CEACAM5: variants seen among roughly 807,000 people sequenced by gnomAD.
The protein encoded by CEACAM5 is CEA cell adhesion molecule 5.
CEACAM5 carries 52 observed loss-of-function variants against 63.0 expected under a neutral mutation model. That is an observed-to-expected ratio of 0.83 (90% confidence interval 0.66 to 1.04). CEACAM5 has a LOEUF of 1.04. Among genes scored for constraint, CEACAM5 ranks in the 50% least tolerant of loss-of-function variants. The pLI is 0.00. For synonymous variants in CEACAM5, 357 were observed against 351.3 expected, an observed-to-expected ratio of 1.02 and a Z score of -0.18; for missense variants, 790 against 864.8, an observed-to-expected ratio of 0.91 and a Z score of 1.08.
intron 5 of CEACAM5, 146 bp from the exon 6 acceptor site, chr19:41,717,982 C>A: frequency 9.6e-7 from 1 of 1,040,336 alleles, no homozygotes; most frequent in Non-Finnish European, 1.4e-6. Flanking sequence ...ATGTCTCAGA[C>A]TCTGGCTAAT....
intron 4 of CEACAM5, 99 bp from the exon 5 acceptor site, chr19:41,717,356 T>C: frequency 3.0e-6 from 4 of 1,312,444 alleles, no homozygotes; most frequent in South Asian, 1.4e-5. Context: ...AAGGACTCAG[T>C]TGGGCTGAGA....
intron 8 of CEACAM5, 59 bp downstream of exon 8, chr19:41,721,235 A>G: frequency 6.3e-7 from 1 of 1,575,316 alleles, no homozygotes; most frequent in Non-Finnish European, 8.7e-7. Flanking sequence ...TCTGGTTCTC[A>G]CCAAAGAGCC....
intron 2 of CEACAM5, 65 bp from the exon 3 acceptor site, chr19:41,714,906 T>G: frequency 6.2e-7 from 1 of 1,606,930 alleles, no homozygotes; most frequent in Admixed American, 1.7e-5. Context: ...CAACTCTGAT[T>G]GAAAGATGCC....
chr19:41,716,745 A>C (rs1555815106), intron 4 of CEACAM5, among the ~76,000 whole-genome samples: 1 of 152,244 alleles, frequency 6.6e-6, no homozygotes. Flanking sequence ...ACAGATGGTA[A>C]CAGTACATAT....
intron 8 of CEACAM5, 122 bp downstream of exon 8, chr19:41,721,298 A>C: frequency 9.0e-7 from 1 of 1,108,226 alleles, no homozygotes; most frequent in Non-Finnish European, 1.3e-6. Flanking sequence ...GGAAATCCCA[A>C]ATTCTATCCT....
chr19:41,712,841 G>A (rs1231676473), intron 2 of CEACAM5, among the ~76,000 whole-genome samples: 1 of 152,154 alleles, frequency 6.6e-6, no homozygotes, highest in African/African-American at 2.4e-5. Flanking sequence ...TCCCCCAAAT[G>A]TCTTTCACTT....
chr19:41,713,313 A>G (rs2122780708), intron 2 of CEACAM5, among the ~76,000 whole-genome samples: 1 of 152,294 alleles, frequency 6.6e-6, no homozygotes, highest in East Asian at 1.9e-4. Flanking sequence ...CAAAAAAAAG[A>G]AAAAGAAAGA....
intron 7 of CEACAM5, 133 bp from the exon 8 acceptor site, chr19:41,720,789 C>A: frequency 8.3e-7 from 1 of 1,202,748 alleles, no homozygotes; most frequent in Non-Finnish European, 1.2e-6. Context: ...CGTGAGCCAC[C>A]GCACCCGGCC....
intron 9 of CEACAM5, among the ~76,000 whole-genome samples, chr19:41,727,798 T>C (rs1467995165): frequency 1.3e-5 from 2 of 152,220 alleles, no homozygotes; most frequent in African/African-American, 4.8e-5. Context: ...CCTACTGTGG[T>C]GTATTAGATA....
chr19:41,720,442 G>C (rs1555815944), intron 7 of CEACAM5, among the ~76,000 whole-genome samples: 1 of 152,044 alleles, frequency 6.6e-6, no homozygotes. Context: ...CCTATGATGG[G>C]AGAAACAGAT....
chr19:41,720,546 G>A (rs1164731175), intron 7 of CEACAM5, among the ~76,000 whole-genome samples: 9 of 128,938 alleles, frequency 7.0e-5, no homozygotes, highest in East Asian at 2.3e-4. Context: ...TCGCTCTTTC[G>A]CCCAGGCTGG....
Position 41,717,671 on chromosome 19 carries a change from A to G in CEACAM5, c.1175A>G (p.Glu392Gly), listed in dbSNP as rs2072549213. ...SVTRNDVGPY[E>G]CGIQNELSVD... The stretch of plus-strand genomic sequence containing the variant: ...ACAAGGAATGATGTAGGACCCTATG[A>G]GTGTGGAATCCAGAACGAATTAAGT... The change falls in exon 5 of 10, where the codon GAG (glutamate) becomes GGG (glycine). Residue 392 changes from glutamate (E) to glycine (G), a missense_variant. Physicochemically the swap from Glu to Gly is moderately conservative, Grantham distance 98 (BLOSUM62 -2). Coordinates refer to ENST00000221992, the MANE Select transcript of CEACAM5 (RefSeq NM_004363.6). 6.2e-7 allele frequency: 1 copy of G among 1,614,056 alleles called. No individual in the cohort carries two copies. The highest frequency in any genetic ancestry group is 1.3e-5 in the African/African-American group (1 of 74,904).
chr19:41,715,291 A>G (rs782086805), intron 3 of CEACAM5, 42 bp downstream of exon 3: 54 of 1,613,542 alleles, frequency 3.3e-5, no homozygotes, highest in Non-Finnish European at 4.6e-5. Flanking sequence ...TGCCAGCCCA[A>G]ATCCACAGGG....
chr19:41,715,572 A>T (rs1330266674), intron 3 of CEACAM5, 78 bp from the exon 4 acceptor site: 2 of 1,550,654 alleles, frequency 1.3e-6, no homozygotes, highest in Non-Finnish European at 1.8e-6. Flanking sequence ...TTAGAGGGAC[A>T]CTGTGGTCCT....
intron 8 of CEACAM5, among the ~76,000 whole-genome samples, chr19:41,724,667 G>A (rs946000096): frequency 6.6e-6 from 1 of 151,924 alleles, no homozygotes; most frequent in Non-Finnish European, 1.5e-5. Flanking sequence ...AGTTTTCAGG[G>A]TACAATCCTT....
chr19:41,722,628 A>G (rs1258426519), intron 8 of CEACAM5, among the ~76,000 whole-genome samples: 1 of 152,186 alleles, frequency 6.6e-6, no homozygotes, highest in African/African-American at 2.4e-5. Flanking sequence ...CACTTAGCAT[A>G]ATGTCTTCAA....
At position 41,715,252 on chromosome 19, in the gene CEACAM5, G is replaced by T. The variant is rs1555814754; in HGVS notation, c.703+3G>T. ...TTCAGTCATCCTGAATGTCCTCTGT[G>T]AGTATATCTGCTCCTCTCTGGCCCA... is the stretch of plus-strand genomic sequence containing the variant. On this transcript the variant is annotated splice_donor_region_variant and intron_variant, in intron 3 of 9. Transcript: ENST00000221992. 1 of 1,614,220 alleles carries T rather than the reference G, an allele frequency of 6.2e-7. No individual in the cohort carries two copies. The highest frequency in any genetic ancestry group is 1.7e-5 in the Admixed American group (1 of 60,028).
At chr19:41,722,947 G>C (rs782447674) in intron 8 of CEACAM5, among the ~76,000 whole-genome samples, 1 of 151,852 alleles carries the variant, frequency 6.6e-6, no homozygotes, top group Non-Finnish European at 1.5e-5. Context: ...TCGCTCTGTC[G>C]ACCAGGCTGG....
At position 41,718,170 on chromosome 19, in the gene CEACAM5, A is replaced by G. The variant is rs782322278; in HGVS notation, c.1280A>G (p.Tyr427Cys). ...ACCATTTCCCCCTCATACACCTATTACCGTCCAGGGGTGAACCTCAGCCTC... is the reference window on the plus strand; with the variant it reads ...ACCATTTCCCCCTCATACACCTATTGCCGTCCAGGGGTGAACCTCAGCCTC... The part of the protein sequence containing the change: ...DPTISPSYTY[Y>C]RPGVNLSLSC... The change falls in exon 6 of 10, where the codon TAC becomes TGC. Residue 427 changes from tyrosine to cysteine, a missense_variant. By Grantham distance (194) the Tyr-to-Cys change is radical. Transcript: ENST00000221992. 1 of 1,614,074 alleles carries G rather than the reference A, an allele frequency of 6.2e-7. No individual in the cohort carries two copies. Among genetic ancestry groups the G allele is most frequent in the South Asian group, 1.1e-5 (1 of 91,072 alleles).
Sources: gnomAD v4.1 joint callset for allele counts (sites outside exome capture counted in the v4.1 genomes callset) on GRCh38, gnomAD v4.1.1 for gene constraint, MANE v1.5 for transcripts, NCBI Gene and HGNC (gene_info 2026-07-23, HGNC 2026-07-21) for gene names.